The following TAFA2 variants were observed in gnomAD, a reference collection of about 807,000 sequenced individuals.
TAFA2 encodes the protein TAFA chemokine like family member 2.
Under a neutral mutation model 18.8 loss-of-function variants are expected in TAFA2, and 7 were observed. The ratio of observed to expected loss-of-function variants is 0.37; its 90% confidence interval spans 0.21 to 0.70. The LOEUF (loss-of-function observed/expected upper bound fraction) is 0.70, where lower values mean the gene tolerates loss of function less well. TAFA2 is among the 30% of genes least tolerant of loss of function. The probability of loss-of-function intolerance (pLI) is 0.53; values close to 1 mark genes in which losing one functional copy is unlikely to be tolerated. For synonymous variants in TAFA2, 60 were observed against 54.2 expected (o/e 1.11, Z -0.47); for missense variants, 122 against 158.1 (o/e 0.77, Z 1.23).
chr12:61,833,963 A>G (rs1244411310), intron 2 of TAFA2, among the ~76,000 whole-genome samples: 1 of 152,008 alleles, frequency 6.6e-6, no homozygotes, highest in African/African-American at 2.4e-5. Context: ...ATTATTAGTA[A>G]ATTTCCTGCA....
chr12:62,185,243 T>G (rs1018289564), intron 1 of TAFA2, among the ~76,000 whole-genome samples: 2 of 152,222 alleles, frequency 1.3e-5, no homozygotes, highest in Non-Finnish European at 2.9e-5. Context: ...AGGTTAAGTT[T>G]TTTCCTTAAA....
intron 1 of TAFA2, among the ~76,000 whole-genome samples, chr12:61,920,874 A>C (rs1211922099): frequency 2.0e-5 from 3 of 152,144 alleles, no homozygotes; most frequent in South Asian, 4.1e-4. Flanking sequence ...AGGAACAAGT[A>C]GGGAGTTGTC....
At chr12:62,002,977 C>A (rs898290045) in intron 1 of TAFA2, among the ~76,000 whole-genome samples, 4 of 152,088 alleles carry the variant, frequency 2.6e-5, no homozygotes, top group African/African-American at 9.7e-5. Context: ...ATCTGACATC[C>A]TCTCTACCCT....
intron 1 of TAFA2, chr12:61,879,902 G>C: frequency 1.1e-6 from 1 of 911,672 alleles, no homozygotes; most frequent in Non-Finnish European, 1.8e-6. Flanking sequence ...GAATGAATTT[G>C]TCCTCATCGA....
At chr12:61,875,191 T>C (rs1008481660) in intron 1 of TAFA2, among the ~76,000 whole-genome samples, 2 of 152,120 alleles carry the variant, frequency 1.3e-5, no homozygotes, top group Non-Finnish European at 2.9e-5. Flanking sequence ...ATGTCTTTCA[T>C]TCTCACGTGC....
At chr12:62,072,649 A>T (rs1400867773) in intron 1 of TAFA2, among the ~76,000 whole-genome samples, 1 of 151,240 alleles carries the variant, frequency 6.6e-6, no homozygotes, top group Non-Finnish European at 1.5e-5. Context: ...GGGTGAGGTG[A>T]TGTGCACCTG....
intron 4 of TAFA2, among the ~76,000 whole-genome samples, chr12:61,736,470 A>G (rs961509734): frequency 6.6e-6 from 1 of 151,080 alleles, no homozygotes; most frequent in African/African-American, 2.4e-5. Flanking sequence ...TAAAATTAAT[A>G]ATTGAAATTT....
intron 1 of TAFA2, among the ~76,000 whole-genome samples, chr12:62,027,178 A>T (rs17125683): frequency 0.14 from 20,964 of 152,156 alleles, 1,629 homozygotes; most frequent in Middle Eastern, 0.29. Context: ...GTAAATGAAA[A>T]TGTTCTATGC....
intron 2 of TAFA2, among the ~76,000 whole-genome samples, chr12:61,843,622 A>G (rs1367355594): frequency 6.6e-6 from 1 of 152,166 alleles, no homozygotes; most frequent in African/African-American, 2.4e-5. Context: ...TTAAATGTCC[A>G]TTACATAGAA....
intron 2 of TAFA2, among the ~76,000 whole-genome samples, chr12:61,807,315 T>C (rs935072493): frequency 1.3e-5 from 2 of 151,342 alleles, no homozygotes; most frequent in Non-Finnish European, 2.9e-5. Context: ...GCAACTTCCA[T>C]GTGGTGTTGA....
chr12:62,022,021 G>A (rs953185399), intron 1 of TAFA2: 2 of 637,472 alleles, frequency 3.1e-6, no homozygotes, highest in Non-Finnish European at 3.0e-6. Flanking sequence ...GACCCCTAGC[G>A]GCCACCTTAT....
At chr12:62,198,414 C>A (rs2136966234) in intron 1 of TAFA2, 1 of 152,216 alleles carries the variant, frequency 6.6e-6, no homozygotes, top group East Asian at 1.9e-4. Context: ...AACCTGGGTT[C>A]ATTAGTAAGA....
rs1032550745 is a variant in TAFA2 at position 62,222,683 on chromosome 12, T to A, written c.-130+36080A>T. Among the ~76,000 whole-genome samples, 7 of 151,134 alleles carry A rather than the reference T, an allele frequency of 4.6e-5. No individual in the cohort carries two copies. The East Asian group carries it at 5.8e-4, about 13-fold the overall frequency. On this transcript the variant is annotated intron_variant, in intron 1 of 5. Transcript: ENST00000551619. ...CACCACGCCCAGCTAATTTTTTTTTTTTTTTTATTTTTAGTAGAGATGGGG... is the reference window on the plus strand; with the variant it reads ...CACCACGCCCAGCTAATTTTTTTTTATTTTTTATTTTTAGTAGAGATGGGG...
At chr12:62,240,793 G>A (rs963300630) in intron 1 of TAFA2, among the ~76,000 whole-genome samples, 5 of 152,134 alleles carry the variant, frequency 3.3e-5, no homozygotes, top group African/African-American at 4.8e-5. Flanking sequence ...AGTGAGCAGT[G>A]GGCAAGTGAG....
intron 1 of TAFA2, among the ~76,000 whole-genome samples, chr12:62,073,831 G>A (rs557781713): frequency 1.3e-5 from 2 of 152,190 alleles, no homozygotes; most frequent in Non-Finnish European, 2.9e-5. Context: ...CCTATGCCAC[G>A]ACTATACAGA....
At chr12:61,965,958 G>C (rs1879051158) in intron 1 of TAFA2, among the ~76,000 whole-genome samples, 1 of 151,820 alleles carries the variant, frequency 6.6e-6, no homozygotes, top group African/African-American at 2.4e-5. Context: ...TTTGAACCCT[G>C]CCATCCATTG....
At chr12:62,161,300 C>T (rs1189929418) in intron 1 of TAFA2, among the ~76,000 whole-genome samples, 5 of 152,282 alleles carry the variant, frequency 3.3e-5, no homozygotes, top group Non-Finnish European at 7.4e-5. Flanking sequence ...ATGGAATCAA[C>T]CTAAGTGTCC....
intron 1 of TAFA2, among the ~76,000 whole-genome samples, chr12:62,038,208 T>C (rs571355109): frequency 6.1e-4 from 93 of 152,312 alleles, no homozygotes; most frequent in African/African-American, 2.2e-3. Flanking sequence ...AATAATATTG[T>C]ATTCAAGATT....
At chr12:62,071,683 C>T (rs1383179120) in intron 1 of TAFA2, among the ~76,000 whole-genome samples, 3 of 152,058 alleles carry the variant, frequency 2.0e-5, no homozygotes, top group Non-Finnish European at 4.4e-5. Context: ...TAGACCTGAG[C>T]CATGATGTTA....
Sources: gnomAD v4.1 joint callset for allele counts (sites outside exome capture counted in the v4.1 genomes callset) on GRCh38, gnomAD v4.1.1 for gene constraint, MANE v1.5 for transcripts, NCBI Gene and HGNC (gene_info 2026-07-23, HGNC 2026-07-21) for gene names.